The following NRP2 variants were observed in gnomAD, a reference collection of about 807,000 sequenced individuals.
NRP2 encodes neuropilin 2, also known as neuropilin-2.
A neutral mutation model predicts 110.4 loss-of-function variants in NRP2; 52 were observed. The observed-to-expected ratio is 0.47, with a 90% CI of 0.38 to 0.59. The LOEUF (loss-of-function observed/expected upper bound fraction) is 0.59. Among genes scored for constraint, NRP2 ranks in the 20% least tolerant of loss-of-function variants. NRP2 has a pLI of 0.00. For missense variants in NRP2, 1,049 were observed against 1,203.0 expected, an observed-to-expected ratio of 0.87 and a Z score of 1.89; for synonymous variants, 508 against 468.9, an observed-to-expected ratio of 1.08 and a Z score of -1.08.
intron 14 of NRP2, among the ~76,000 whole-genome samples, 190 bp from the exon 15 acceptor site, chr2:205,766,590 TCAC>T (rs1467007154): frequency 6.6e-6 from 1 of 152,130 alleles, no homozygotes; most frequent in African/African-American, 2.4e-5. Context: ...TCCTCCGCCA[TCAC>T]CACCCCATGA....
In NRP2 at chr2:205,700,646, G is replaced by T. The variant is rs2056532982; in HGVS notation, c.251+2925G>T. 7.8e-6 allele frequency: 4 copies of T among 510,984 alleles called. No individual in the cohort carries two copies. In the Admixed American group the frequency reaches 7.9e-5, roughly 10 times the overall value. The allele number at this position is 510,984 out of a possible 1,614,324, so 31.7% of individuals were successfully genotyped here. A position where few individuals can be genotyped will look rare whatever the true frequency, so the allele number is the denominator to read the frequency against. On this transcript the variant is annotated intron_variant, in intron 2 of 16. Coordinates refer to ENST00000357785, the MANE Select transcript of NRP2 (RefSeq NM_003872.3). ...CATCCCAAAGGTTGAGACGGTTGCT[G>T]AGTAAACCCCAGATAGACCTTTTCC...
intron 15 of NRP2, among the ~76,000 whole-genome samples, chr2:205,786,085 A>G (rs2058233088): frequency 1.3e-5 from 2 of 152,212 alleles, no homozygotes; most frequent in Non-Finnish European, 2.9e-5. Context: ...CCGACTTCTT[A>G]ACAGAGGAGA....
At chr2:205,700,679 G>A (rs1461371669) in intron 2 of NRP2, 11 of 518,332 alleles carry the variant, frequency 2.1e-5, no homozygotes, top group African/African-American at 1.5e-4. Flanking sequence ...TCCCCTAACC[G>A]TTGCTTATTA....
chr2:205,696,057 C>A (rs2056418531), intron 1 of NRP2, among the ~76,000 whole-genome samples: 1 of 152,192 alleles, frequency 6.6e-6, no homozygotes, highest in Non-Finnish European at 1.5e-5. Context: ...GACCTGAATT[C>A]ATTCCATTCT....
chr2:205,737,892 C>T (rs2057372412), intron 7 of NRP2, among the ~76,000 whole-genome samples: 1 of 152,160 alleles, frequency 6.6e-6, no homozygotes, highest in Non-Finnish European at 1.5e-5. Flanking sequence ...CACATGTATC[C>T]ATGGGAAGAC....
rs540518825 is a variant in NRP2, at chr2:205,689,181, A to G, written c.73+5818A>G. On this transcript the variant is annotated intron_variant, in intron 1 of 16. Transcript: ENST00000357785. Reference sequence around the variant, plus strand: ...ATGCTACCAAGTAGGTTTGCCACTGAGAAGTTTTGTGGGGATCATCCCTGG... The same window carrying G: ...ATGCTACCAAGTAGGTTTGCCACTGGGAAGTTTTGTGGGGATCATCCCTGG... 7.2e-5 allele frequency among the ~76,000 whole-genome samples: 11 copies of G among 152,356 alleles called. No homozygotes were observed. In the South Asian group the frequency reaches 2.3e-3, roughly 32 times the overall value.
chr2:205,791,541 G>T (rs1413181118), intron 15 of NRP2, among the ~76,000 whole-genome samples: 1 of 152,184 alleles, frequency 6.6e-6, no homozygotes, highest in Non-Finnish European at 1.5e-5. Context: ...AAAAGAAAAA[G>T]ATAGACAGTG....
chr2:205,790,648 G>GTT (rs56812222), intron 15 of NRP2, among the ~76,000 whole-genome samples: 5,215 of 144,990 alleles, frequency 0.036, 117 homozygotes, highest in Middle Eastern at 0.099. Flanking sequence ...TTTCTTCCAT[G>GTT]TTTTTTTTTT....
chr2:205,765,620 G>A (rs1315841826), intron 14 of NRP2, 50 bp downstream of exon 14: 4 of 1,499,746 alleles, frequency 2.7e-6, no homozygotes, highest in African/African-American at 2.8e-5. Flanking sequence ...GACCCCAAGG[G>A]CTGGGATAAG....
At chr2:205,749,588 C>T (rs982034034) in intron 10 of NRP2, 137 bp from the exon 11 acceptor site, 12 of 729,122 alleles carry the variant, frequency 1.6e-5, no homozygotes, top group Non-Finnish European at 2.7e-5. Context: ...GTTGACAGCA[C>T]ACAGACATGA....
chr2:205,792,855 C>T (rs958161024), intron 16 of NRP2, among the ~76,000 whole-genome samples: 17 of 152,174 alleles, frequency 1.1e-4, no homozygotes, highest in African/African-American at 4.1e-4. Context: ...TAGAGGGCTG[C>T]TGAGCAAATA....
chr2:205,757,645 G>C (rs2057755016), intron 12 of NRP2, among the ~76,000 whole-genome samples: 1 of 152,184 alleles, frequency 6.6e-6, no homozygotes, highest in Non-Finnish European at 1.5e-5. Flanking sequence ...CTGTTAGATT[G>C]AACTGTCTTC....
At chr2:205,755,650 G>T (rs1264554769) in intron 12 of NRP2, among the ~76,000 whole-genome samples, 2 of 152,056 alleles carry the variant, frequency 1.3e-5, no homozygotes, top group Admixed American at 6.5e-5. Flanking sequence ...GGGGATTGGG[G>T]AGAAGGGAAG....
At chr2:205,702,179 C>T (rs959545422) in intron 2 of NRP2, among the ~76,000 whole-genome samples, 2 of 152,146 alleles carry the variant, frequency 1.3e-5, no homozygotes, top group Non-Finnish European at 2.9e-5. Flanking sequence ...AATCCTCCTG[C>T]TTTCACACAT....
chr2:205,788,565 G>A (rs549117060), intron 15 of NRP2, among the ~76,000 whole-genome samples: 1 of 152,316 alleles, frequency 6.6e-6, no homozygotes, highest in South Asian at 2.1e-4. Flanking sequence ...ATGTTTGAAA[G>A]CATTTCTATC....
rs1250951022 is a variant in NRP2 at position 205,797,318 on chromosome 2, G to C, written c.*2260G>C. On this transcript the variant is annotated 3_prime_UTR_variant, in exon 17 of 17. Transcript: ENST00000357785. The stretch of plus-strand genomic sequence containing the variant: ...ATGATGCGCAGTGTTCAGAAAGCTG[G>C]TAAGTCCTAGGGATTTCCAGAAGTA... 2 of 152,354 alleles carry C rather than the reference G, an allele frequency of 1.3e-5. No individual in the cohort carries two copies. Among genetic ancestry groups the C allele is most frequent in the African/African-American group, 4.8e-5 (2 of 41,448 alleles). The allele number at this position is 152,354 out of a possible 1,614,324, so 9.4% of individuals were successfully genotyped here.
chr2:205,744,844 G>C (rs1162415235), intron 9 of NRP2, among the ~76,000 whole-genome samples: 1 of 152,198 alleles, frequency 6.6e-6, no homozygotes, highest in Non-Finnish European at 1.5e-5. Context: ...TGCATCGATG[G>C]AGCAGAAGTT....
At chr2:205,727,415 T>A (rs2057148195) in intron 6 of NRP2, among the ~76,000 whole-genome samples, 1 of 152,212 alleles carries the variant, frequency 6.6e-6, no homozygotes, top group African/African-American at 2.4e-5. Flanking sequence ...AGCAACTAAA[T>A]ACACAATGGA....
intron 15 of NRP2, chr2:205,767,210 G>C: frequency 3.2e-6 from 1 of 316,094 alleles, no homozygotes; most frequent in Non-Finnish European, 6.1e-6. Context: ...ATTTTAGCCT[G>C]AAGATGGTTT....
Sources: allele counts gnomAD v4.1 joint callset (sites outside exome capture counted in the v4.1 genomes callset), GRCh38; gene constraint gnomAD v4.1.1; transcripts MANE v1.5; gene names NCBI Gene and HGNC (gene_info 2026-07-23, HGNC 2026-07-21).